The following STEAP1 variants were observed in gnomAD, a reference collection of about 807,000 sequenced individuals.
STEAP1 encodes the protein STEAP1 protein.
In STEAP1, 30 loss-of-function variants were observed where a neutral mutation model predicts 34.4. The observed-to-expected ratio is 0.87, with a 90% CI of 0.65 to 1.18. The LOEUF (loss-of-function observed/expected upper bound fraction) is 1.18. Ranked by LOEUF, STEAP1 falls within the 50% of genes most tolerant of loss-of-function variation. The pLI is 0.00. For missense variants in STEAP1, 318 were observed against 391.1 expected, an observed-to-expected ratio of 0.81 and a Z score of 1.58; for synonymous variants, 116 against 135.3, an observed-to-expected ratio of 0.86 and a Z score of 0.99.
At chr7:90,156,043 G>A (rs1336523084) in intron 1 of STEAP1, among the ~76,000 whole-genome samples, 1 of 152,176 alleles carries the variant, frequency 6.6e-6, no homozygotes, top group Non-Finnish European at 1.5e-5. Context: ...GTTTTTCAGA[G>A]CAGAGGCTTT....
In STEAP1 at chr7:90,161,055, T is replaced by C; in HGVS notation, c.335T>C (p.Leu112Pro). The C allele has an allele frequency of 6.2e-7, 1 of 1,614,014 alleles. No individual in the cohort carries two copies. Among genetic ancestry groups the C allele is most frequent in the Non-Finnish European group, 8.5e-7 (1 of 1,179,866 alleles). The change falls in exon 3 of 5, where the codon CTG becomes CCG. Residue 112 changes from leucine to proline, a missense_variant. Leu to Pro is a moderately conservative substitution (Grantham distance 98). Coordinates refer to ENST00000297205, the MANE Select transcript of STEAP1 (RefSeq NM_012449.3). ...CAATATTTTTATAAAATTCCAATCC[T>C]GGTCATCAACAAAGTCTTGCCAATG... ...HQQYFYKIPI[L>P]VINKVLPMVS...
intron 3 of STEAP1, 48 bp from the exon 4 acceptor site, chr7:90,161,866 A>C: frequency 6.4e-7 from 1 of 1,566,376 alleles, no homozygotes; most frequent in Non-Finnish European, 8.6e-7. Context: ...CACATTCAGG[A>C]AATAACTGTT....
At chr7:90,158,217 C>T (rs1300282648) in intron 1 of STEAP1, among the ~76,000 whole-genome samples, 7 of 152,146 alleles carry the variant, frequency 4.6e-5, no homozygotes, top group Admixed American at 4.6e-4. Context: ...TGGGACATTA[C>T]TGTACAGTAC....
chr7:90,158,431 C>T (rs970381426), intron 1 of STEAP1, among the ~76,000 whole-genome samples: 10 of 152,016 alleles, frequency 6.6e-5, no homozygotes, highest in Non-Finnish European at 1.2e-4. Context: ...ACTCCTTAAG[C>T]TTTTTTTCTA....
At chr7:90,158,068 G>A (rs576611759) in intron 1 of STEAP1, among the ~76,000 whole-genome samples, 43 of 152,116 alleles carry the variant, frequency 2.8e-4, no homozygotes, top group Non-Finnish European at 4.9e-4. Context: ...ACATAGAAAA[G>A]GTATAGTAAA....
At chr7:90,159,394 T>G (rs1794153648) in intron 1 of STEAP1, among the ~76,000 whole-genome samples, 1 of 152,252 alleles carries the variant, frequency 6.6e-6, no homozygotes, top group South Asian at 2.1e-4. Context: ...ACTCTCAATA[T>G]AATACATTCC....
At chr7:90,161,534 T>G (rs1238780367) in intron 3 of STEAP1, among the ~76,000 whole-genome samples, 1 of 152,184 alleles carries the variant, frequency 6.6e-6, no homozygotes, top group East Asian at 1.9e-4. Flanking sequence ...GGTACAACTT[T>G]AGCAACATAA....
intron 1 of STEAP1, 68 bp from the exon 2 acceptor site, chr7:90,159,690 T>C (rs1484873030): frequency 4.6e-6 from 4 of 868,862 alleles, no homozygotes; most frequent in Non-Finnish European, 6.4e-6. Flanking sequence ...AAATTTTTTA[T>C]ATTGTTACAT....
intron 4 of STEAP1, chr7:90,162,364 T>C (rs1018799664): frequency 3.0e-5 from 10 of 329,152 alleles, no homozygotes; most frequent in African/African-American, 2.2e-4. Context: ...AGTCTCGCTC[T>C]GTTGCCCATG....
intron 1 of STEAP1, among the ~76,000 whole-genome samples, chr7:90,159,204 C>T (rs1188767525): frequency 3.3e-5 from 5 of 152,184 alleles, no homozygotes; most frequent in Admixed American, 1.3e-4. Context: ...TTCGGCACAA[C>T]TCACCATTCC....
Position 90,164,574 on chromosome 7 carries a change from C to T in STEAP1, c.860C>T (p.Thr287Ile), listed in dbSNP as rs1794228002. The T allele has an allele frequency of 2.5e-6, 4 of 1,613,618 alleles. No individual in the cohort carries two copies. The highest frequency in any genetic ancestry group is 1.3e-5 in the African/African-American group (1 of 74,890). ...GATATAAAACAATTTGTATGGTATACACCTCCAACTTTTATGATAGCTGTT... is the reference window on the plus strand; with the variant it reads ...GATATAAAACAATTTGTATGGTATATACCTCCAACTTTTATGATAGCTGTT... Reference protein sequence around the residue: ...WIDIKQFVWYTPPTFMIAVFL... With the variant: ...WIDIKQFVWYIPPTFMIAVFL... The change falls in exon 5 of 5, where the codon ACA (threonine) becomes ATA (isoleucine). Residue 287 changes from threonine to isoleucine, a missense_variant. Physicochemically the swap from Thr to Ile is moderately conservative, Grantham distance 89. Coordinates refer to ENST00000297205, the MANE Select transcript of STEAP1 (RefSeq NM_012449.3).
In STEAP1 at chr7:90,162,032, C is replaced by T; in HGVS notation, c.716C>T (p.Pro239Leu). 6.2e-7 allele frequency: 1 copy of T among 1,613,616 alleles called. No individual in the cohort carries two copies. The highest frequency in any genetic ancestry group is 8.5e-7 in the Non-Finnish European group (1 of 1,179,780). Residue 239 changes from proline (P) to leucine (L), a missense_variant, in exon 4 of 5, where the codon CCA (proline) becomes CTA (leucine). Pro to Leu is a moderately conservative substitution (Grantham distance 98). Transcript: ENST00000297205. Reference protein sequence around the residue: ...ILALLAVTSIPSVSDSLTWRE... With the variant: ...ILALLAVTSILSVSDSLTWRE... Reference sequence around the variant, plus strand: ...GCTCTGTTGGCTGTGACATCTATTCCATCTGTGAGTGACTCTTTGACATGG... The same window carrying T: ...GCTCTGTTGGCTGTGACATCTATTCTATCTGTGAGTGACTCTTTGACATGG...
chr7:90,155,794 G>T (rs1226427296), intron 1 of STEAP1, among the ~76,000 whole-genome samples: 2 of 152,080 alleles, frequency 1.3e-5, no homozygotes, highest in African/African-American at 4.8e-5. Context: ...CAGACAAATG[G>T]CTGGGTAACT....
intron 1 of STEAP1, among the ~76,000 whole-genome samples, chr7:90,157,364 C>G (rs1024415963): frequency 6.6e-6 from 1 of 152,190 alleles, no homozygotes; most frequent in Non-Finnish European, 1.5e-5. Context: ...GAGAAAAAAG[C>G]ATGGCAGGCT....
In STEAP1 at chr7:90,164,815, G is replaced by T; in HGVS notation, c.*81G>T. ...TCAAGTTTGTATTTGTTAATAAAAT[G>T]ATTATTCAAGGATCTTGATGTTTCT... On this transcript the variant is annotated 3_prime_UTR_variant, in exon 5 of 5. Coordinates refer to ENST00000297205, the MANE Select transcript of STEAP1 (RefSeq NM_012449.3). 1 of 1,325,252 alleles carries T rather than the reference G, an allele frequency of 7.5e-7. No individual in the cohort carries two copies. Among genetic ancestry groups the T allele is most frequent in the East Asian group, 2.5e-5 (1 of 39,772 alleles). 82.1% of individuals were successfully genotyped at this position (1,325,252 alleles called of 1,614,324 possible).
intron 2 of STEAP1, 121 bp downstream of exon 2, chr7:90,159,993 G>A: frequency 1.7e-6 from 1 of 597,302 alleles, no homozygotes; most frequent in South Asian, 3.5e-5. Context: ...CTGATATCTG[G>A]ACTTGGATTA....
intron 1 of STEAP1, among the ~76,000 whole-genome samples, chr7:90,157,446 G>A (rs1228339921): frequency 6.6e-6 from 1 of 152,146 alleles, no homozygotes; most frequent in East Asian, 1.9e-4. Context: ...ATAAATATCA[G>A]AGAATGACCA....
intron 1 of STEAP1, among the ~76,000 whole-genome samples, chr7:90,158,450 T>C (rs557481514): frequency 1.1e-4 from 16 of 151,678 alleles, no homozygotes; most frequent in African/African-American, 3.4e-4. Context: ...TATTTCTAAT[T>C]TTTTTTTTCT....
intron 1 of STEAP1, among the ~76,000 whole-genome samples, chr7:90,157,524 A>G (rs1249067522): frequency 6.6e-6 from 1 of 152,192 alleles, no homozygotes; most frequent in Non-Finnish European, 1.5e-5. Context: ...CCCAGGCCTG[A>G]GTCATATACC....
Sources: gnomAD v4.1 joint callset for allele counts (sites outside exome capture counted in the v4.1 genomes callset) on GRCh38, gnomAD v4.1.1 for gene constraint, MANE v1.5 for transcripts, NCBI Gene and HGNC (gene_info 2026-07-23, HGNC 2026-07-21) for gene names.